The following TEAD4 variants were observed in gnomAD, a reference collection of about 807,000 sequenced individuals.
TEAD4 encodes TEA domain transcription factor 4.
TEAD4 carries 36 observed loss-of-function variants against 52.4 expected under a neutral mutation model. The observed-to-expected ratio is 0.69, with a 90% CI of 0.53 to 0.91. TEAD4 has a LOEUF of 0.91. TEAD4 is among the 40% of genes least tolerant of loss of function. The pLI is 0.00. For synonymous variants in TEAD4, 220 were observed against 231.0 expected (o/e 0.95, Z 0.43); for missense variants, 508 against 583.9 (o/e 0.87, Z 1.34).
intron 5 of TEAD4, among the ~76,000 whole-genome samples, chr12:3,012,549 T>G (rs1051661171): frequency 8.6e-5 from 13 of 151,840 alleles, no homozygotes; most frequent in African/African-American, 3.1e-4. Flanking sequence ...TGAGGGCCCC[T>G]CAGTGCCCTC....
chr12:3,033,362 C>T (rs1452354935), intron 10 of TEAD4, among the ~76,000 whole-genome samples: 2 of 152,308 alleles, frequency 1.3e-5, no homozygotes, highest in East Asian at 1.9e-4. Flanking sequence ...GGGCCTGGAG[C>T]GAGGGACTGA....
At chr12:3,032,371 G>C (rs2098276202) in intron 10 of TEAD4, among the ~76,000 whole-genome samples, 1 of 152,174 alleles carries the variant, frequency 6.6e-6, no homozygotes, top group South Asian at 2.1e-4. Flanking sequence ...TCGCACTCTG[G>C]ATGGGAGGAT....
At chr12:2,963,559 G>A (rs1349752659) in intron 2 of TEAD4, among the ~76,000 whole-genome samples, 1 of 152,228 alleles carries the variant, frequency 6.6e-6, no homozygotes, top group African/African-American at 2.4e-5. Context: ...GTGGAGGTGG[G>A]GGCAGGGCTT....
chr12:2,985,890 C>A (rs2098238058), intron 2 of TEAD4, among the ~76,000 whole-genome samples: 1 of 151,866 alleles, frequency 6.6e-6, no homozygotes, highest in Non-Finnish European at 1.5e-5. Context: ...TCAAGACCAG[C>A]CTGGCCAACA....
At chr12:2,990,497 GTC>G (rs1300723877) in intron 2 of TEAD4, among the ~76,000 whole-genome samples, 2 of 99,066 alleles carry the variant, frequency 2.0e-5, no homozygotes, top group Non-Finnish European at 3.5e-5. Flanking sequence ...TTGAGATGGA[GTC>G]TCTGTTGCCT....
intron 5 of TEAD4, among the ~76,000 whole-genome samples, chr12:3,012,736 T>C (rs2153956750): frequency 1.3e-5 from 2 of 152,232 alleles, no homozygotes; most frequent in Middle Eastern, 3.4e-3. Flanking sequence ...TGATAGGTGA[T>C]GGCTCTGGGG....
chr12:3,032,794 C>T (rs1482099983), intron 10 of TEAD4, among the ~76,000 whole-genome samples: 1 of 152,196 alleles, frequency 6.6e-6, no homozygotes, highest in Non-Finnish European at 1.5e-5. Context: ...CTGCTCCCTC[C>T]TCCGCATGTG....
chr12:2,971,101 G>A (rs986062790), intron 2 of TEAD4, among the ~76,000 whole-genome samples: 17 of 152,206 alleles, frequency 1.1e-4, no homozygotes, highest in Admixed American at 3.3e-4. Context: ...TAGGTGCAGC[G>A]GGAGTATGGA....
At chr12:3,036,451 C>A (rs139413582) in intron 10 of TEAD4, among the ~76,000 whole-genome samples, 2 of 152,324 alleles carry the variant, frequency 1.3e-5, no homozygotes, top group African/African-American at 4.8e-5. Context: ...AGTGTCCCCT[C>A]ATGGCCAGTA....
intron 11 of TEAD4, among the ~76,000 whole-genome samples, chr12:3,039,420 C>G (rs527425624): frequency 2.0e-5 from 3 of 152,170 alleles, no homozygotes; most frequent in Non-Finnish European, 4.4e-5. Context: ...ATGCAGTCCA[C>G]CAAGCTGGTT....
chr12:3,028,022 A>T lies in TEAD4; in HGVS notation c.897+6005A>T, dbSNP rs185835123. Among the ~76,000 whole-genome samples, 379 of 152,274 alleles carry T rather than the reference A, an allele frequency of 2.5e-3. 3 individuals are homozygous for T. Among genetic ancestry groups the T allele is most frequent in the African/African-American group, 8.7e-3 (363 of 41,546 alleles). ...CTCCTACCCCCCAGCCCTGTGCAATAATCTACTTTCTGTCTTTGAAGCTTT... is the reference window on the plus strand; with the variant it reads ...CTCCTACCCCCCAGCCCTGTGCAATTATCTACTTTCTGTCTTTGAAGCTTT... On this transcript the variant is annotated intron_variant, in intron 10 of 12. Coordinates refer to ENST00000359864, the MANE Select transcript of TEAD4 (RefSeq NM_003213.4).
chr12:2,961,602 T>G (rs1301968005), intron 2 of TEAD4, among the ~76,000 whole-genome samples: 1 of 152,052 alleles, frequency 6.6e-6, no homozygotes, highest in Non-Finnish European at 1.5e-5. Context: ...CCTTTAAGGC[T>G]CTCAGGCTGT....
intron 2 of TEAD4, among the ~76,000 whole-genome samples, chr12:2,988,659 A>G (rs1267501557): frequency 6.6e-6 from 1 of 152,124 alleles, no homozygotes; most frequent in Non-Finnish European, 1.5e-5. Flanking sequence ...TCAGGATGGG[A>G]CCAGACTCCA....
At chr12:2,976,384 G>T (rs1454132582) in intron 2 of TEAD4, among the ~76,000 whole-genome samples, 1 of 150,552 alleles carries the variant, frequency 6.6e-6, no homozygotes, top group African/African-American at 2.4e-5. Flanking sequence ...TTTTGCAAAT[G>T]GAGGCACTGA....
chr12:2,978,402 T>TTTTTG lies in TEAD4; in HGVS notation c.-29-16320_-29-16316dup, dbSNP rs2098231528. On this transcript the variant is annotated intron_variant, in intron 2 of 12. Coordinates refer to ENST00000359864, the MANE Select transcript of TEAD4 (RefSeq NM_003213.4). ...TTTTTTTTTTTTGTCTTTTTGTTTT[T>TTTTTG]TTTTGTTTTGTTTTGTTTTGAGAGG... Among the ~76,000 whole-genome samples, 4 of 151,894 alleles carry TTTTTG rather than the reference T, an allele frequency of 2.6e-5. 1 individual carries two copies. The South Asian group carries it at 8.3e-4, about 32-fold the overall frequency.
chr12:2,972,044 C>T (rs2098225571), intron 2 of TEAD4, among the ~76,000 whole-genome samples: 1 of 150,722 alleles, frequency 6.6e-6, no homozygotes, highest in Non-Finnish European at 1.5e-5. Flanking sequence ...AACTCCTGAC[C>T]TCAAGTGATC....
intron 4 of TEAD4, among the ~76,000 whole-genome samples, chr12:3,011,580 A>G (rs1287674649): frequency 1.3e-5 from 2 of 151,256 alleles, no homozygotes; most frequent in East Asian, 2.0e-4. Context: ...TTAGGAGGAA[A>G]CCCCTCGCCT....
rs1393998467 is a variant in TEAD4, at chr12:3,040,389, G to C, written c.1216G>C (p.Glu406Gln). 6.2e-7 allele frequency: 1 copy of C among 1,614,212 alleles called. No homozygotes were observed. Among genetic ancestry groups the C allele is most frequent in the East Asian group, 2.2e-5 (1 of 44,884 alleles). ...GGTGGTCACCAACAGAGACACACAGGAGACCTTGCTGTGCATTGCCTATGT... is the reference window on the plus strand; with the variant it reads ...GGTGGTCACCAACAGAGACACACAGCAGACCTTGCTGTGCATTGCCTATGT... Residue 406 changes from glutamate to glutamine, a missense_variant, in exon 13 of 13, where the codon GAG becomes CAG. Transcript: ENST00000359864.
chr12:2,997,454 C>A (rs979550382), intron 3 of TEAD4, among the ~76,000 whole-genome samples: 1 of 152,082 alleles, frequency 6.6e-6, no homozygotes, highest in Non-Finnish European at 1.5e-5. Flanking sequence ...CCAGGAGGGA[C>A]GCAGCCTCTG....
Sources: gnomAD v4.1 joint callset for allele counts (sites outside exome capture counted in the v4.1 genomes callset) on GRCh38, gnomAD v4.1.1 for gene constraint, MANE v1.5 for transcripts, NCBI Gene and HGNC (gene_info 2026-07-23, HGNC 2026-07-21) for gene names.